The following BANK1 variants were observed in gnomAD, a reference collection of about 807,000 sequenced individuals.
BANK1 encodes B-cell scaffold protein with ankyrin repeats.
In BANK1, 95 loss-of-function variants were observed where a neutral mutation model predicts 94.5. That is an observed-to-expected ratio of 1.00 (90% CI 0.85 to 1.19). BANK1 has a LOEUF of 1.19. Among genes scored for constraint, BANK1 ranks in the 50% most tolerant of loss-of-function variants. BANK1 has a pLI of 0.00. For missense variants in BANK1, 987 were observed against 932.2 expected (o/e 1.06, Z -0.77); for synonymous variants, 334 against 308.4 (o/e 1.08, Z -0.87).
chr4:101,904,507 A>T (rs1039670423), intron 6 of BANK1, among the ~76,000 whole-genome samples: 7 of 152,218 alleles, frequency 4.6e-5, no homozygotes, highest in African/African-American at 1.2e-4. Context: ...GAGGCTTAAC[A>T]ATGGCCTCCA....
intron 7 of BANK1, among the ~76,000 whole-genome samples, chr4:101,993,380 T>C (rs1325816368): frequency 6.6e-6 from 1 of 152,140 alleles, no homozygotes; most frequent in Admixed American, 6.6e-5. Context: ...GCCTAGTGAA[T>C]CTCCATGAAA....
chr4:102,005,012 G>A (rs1405186290), intron 7 of BANK1, among the ~76,000 whole-genome samples: 1 of 152,016 alleles, frequency 6.6e-6, no homozygotes, highest in Non-Finnish European at 1.5e-5. Context: ...AATAGCTAGA[G>A]TGGGAATAAA....
intron 7 of BANK1, among the ~76,000 whole-genome samples, chr4:101,945,296 T>A (rs1007190718): frequency 6.6e-6 from 1 of 151,974 alleles, no homozygotes; most frequent in Non-Finnish European, 1.5e-5. Flanking sequence ...ATTATTTTTT[T>A]CCTTATCATT....
chr4:101,894,062 GC>G (rs930178792), intron 5 of BANK1, among the ~76,000 whole-genome samples: 51 of 152,046 alleles, frequency 3.4e-4, no homozygotes, highest in African/African-American at 1.2e-3. Context: ...CTTCCATAAA[GC>G]CTTTGCTGGC....
At chr4:101,876,645 CA>C (rs1018090001) in intron 5 of BANK1, among the ~76,000 whole-genome samples, 2 of 152,108 alleles carry the variant, frequency 1.3e-5, no homozygotes, top group Non-Finnish European at 2.9e-5. Flanking sequence ...CAGACATAGG[CA>C]AACATCTATA....
chr4:101,858,323 A>G (rs1352863073), intron 3 of BANK1, among the ~76,000 whole-genome samples: 1 of 152,206 alleles, frequency 6.6e-6, no homozygotes, highest in African/African-American at 2.4e-5. Flanking sequence ...TGCACACAAC[A>G]GCTCCCACAA....
At chr4:102,060,180 T>C (rs1028610385) in intron 11 of BANK1, 31 bp from the exon 12 acceptor site, 16 of 1,521,876 alleles carry the variant, frequency 1.1e-5, no homozygotes, top group Non-Finnish European at 1.2e-5. Context: ...ACCTGGACTT[T>C]CTGTTAATGC....
At chr4:102,004,507 G>T (rs752948110) in intron 7 of BANK1, among the ~76,000 whole-genome samples, 1 of 152,096 alleles carries the variant, frequency 6.6e-6, no homozygotes, top group Non-Finnish European at 1.5e-5. Flanking sequence ...ACCAGCCATT[G>T]CTAGGATCTT....
chr4:102,045,213 GA>G (rs1727839117), intron 11 of BANK1, among the ~76,000 whole-genome samples: 2 of 152,048 alleles, frequency 1.3e-5, no homozygotes, highest in South Asian at 4.1e-4. Flanking sequence ...AATATTTGCA[GA>G]AAAAGCCTTT....
chr4:101,915,639 G>A (rs1233602657), intron 6 of BANK1, among the ~76,000 whole-genome samples: 2 of 152,062 alleles, frequency 1.3e-5, no homozygotes, highest in African/African-American at 2.4e-5. Flanking sequence ...TAATGAGGTA[G>A]ATTCAATATT....
At chr4:101,806,446 A>T (rs935369783) in intron 1 of BANK1, among the ~76,000 whole-genome samples, 1 of 152,178 alleles carries the variant, frequency 6.6e-6, no homozygotes, top group Non-Finnish European at 1.5e-5. Flanking sequence ...AGAAAGACTG[A>T]GTAGTTCTTA....
rs920741730 is a variant in BANK1 at position 102,025,602 on chromosome 4, G to A, written c.1594+93G>A. ...TAGTGCAGTGGCAAATCTATACAGA[G>A]CAGATCAGCTTTTGAAACCAATAGC... On this transcript the variant is annotated intron_variant, in intron 9 of 16. Transcript: ENST00000322953. The A allele has an allele frequency of 2.5e-5, 31 of 1,220,692 alleles. No homozygotes were observed. The East Asian group carries it at 7.4e-4, about 29-fold the overall frequency. The allele number at this position is 1,220,692 out of a possible 1,614,324, so 75.6% of individuals were successfully genotyped here.
intron 1 of BANK1, among the ~76,000 whole-genome samples, chr4:101,815,413 G>A (rs1204346196): frequency 6.6e-6 from 1 of 152,068 alleles, no homozygotes; most frequent in East Asian, 1.9e-4. Flanking sequence ...TGTAAGTATT[G>A]CACCTGGGAT....
intron 13 of BANK1, among the ~76,000 whole-genome samples, chr4:102,068,583 T>C (rs191303598): frequency 5.4e-4 from 82 of 152,262 alleles, no homozygotes; most frequent in African/African-American, 1.8e-3. Flanking sequence ...TCCCAGCACT[T>C]TGGGAGGCTG....
chr4:102,037,272 C>G (rs1423503771), intron 10 of BANK1, among the ~76,000 whole-genome samples: 2 of 152,186 alleles, frequency 1.3e-5, no homozygotes, highest in African/African-American at 4.8e-5. Flanking sequence ...AGCCCCATAA[C>G]AAAGAATTAT....
intron 11 of BANK1, 148 bp from the exon 12 acceptor site, chr4:102,060,063 A>T: frequency 1.5e-6 from 1 of 649,924 alleles, no homozygotes; most frequent in South Asian, 3.9e-5. Context: ...CCTTAGAAAG[A>T]AACTCATTAA....
At chr4:101,924,244 G>A (rs1006280863) in intron 7 of BANK1, among the ~76,000 whole-genome samples, 2 of 151,780 alleles carry the variant, frequency 1.3e-5, no homozygotes, top group South Asian at 2.1e-4. Flanking sequence ...AGCCCAGTGT[G>A]TGAGACTGCT....
intron 5 of BANK1, among the ~76,000 whole-genome samples, chr4:101,887,869 A>G (rs1403100515): frequency 6.6e-6 from 1 of 152,196 alleles, no homozygotes; most frequent in Non-Finnish European, 1.5e-5. Context: ...TTATACATTT[A>G]CATTATTATT....
chr4:101,942,768 A>G (rs756371995), intron 7 of BANK1, among the ~76,000 whole-genome samples: 1 of 151,920 alleles, frequency 6.6e-6, no homozygotes, highest in Non-Finnish European at 1.5e-5. Flanking sequence ...AAAAATAGCA[A>G]AGTATCATTA....
Sources: gnomAD v4.1 joint callset for allele counts (sites outside exome capture counted in the v4.1 genomes callset) on GRCh38, gnomAD v4.1.1 for gene constraint, MANE v1.5 for transcripts, NCBI Gene and HGNC (gene_info 2026-07-23, HGNC 2026-07-21) for gene names.